The following NTRK2 variants were observed in gnomAD, a reference collection of about 807,000 sequenced individuals.
The protein encoded by NTRK2 is BDNF/NT-3 growth factors receptor.
In NTRK2, 13 loss-of-function variants were observed where a neutral mutation model predicts 94.5. The observed-to-expected ratio is 0.14, with a 90% CI of 0.09 to 0.22. NTRK2 has a LOEUF of 0.22. Among genes scored for constraint, NTRK2 ranks in the 10% least tolerant of loss-of-function variants. The pLI is 1.00. For missense variants in NTRK2, 639 were observed against 1,071.2 expected, an observed-to-expected ratio of 0.60 and a Z score of 5.63; for synonymous variants, 372 against 407.4, an observed-to-expected ratio of 0.91 and a Z score of 1.05.
chr9:84,730,533 G>T (rs1197778826), intron 9 of NTRK2, among the ~76,000 whole-genome samples: 1 of 140,930 alleles, frequency 7.1e-6, no homozygotes, highest in Non-Finnish European at 1.5e-5. Flanking sequence ...GAGGTCAGGA[G>T]ATCGAGACCA....
At chr9:85,015,935 C>T (rs1042694507) in intron 17 of NTRK2, among the ~76,000 whole-genome samples, 1 of 152,074 alleles carries the variant, frequency 6.6e-6, no homozygotes, top group Admixed American at 6.5e-5. Context: ...ACAGGATGTC[C>T]AATGGGGAAA....
intron 6 of NTRK2, among the ~76,000 whole-genome samples, chr9:84,715,826 A>C (rs1305339013): frequency 6.6e-6 from 1 of 152,176 alleles, no homozygotes; most frequent in South Asian, 2.1e-4. Flanking sequence ...GATTTTCAGC[A>C]GTTAGTCTTG....
intron 15 of NTRK2, among the ~76,000 whole-genome samples, chr9:84,935,024 G>C (rs1048933692): frequency 2.6e-5 from 4 of 151,898 alleles, no homozygotes; most frequent in Non-Finnish European, 5.9e-5. Context: ...AGCACAAAAG[G>C]CTTCAGGTAT....
chr9:84,836,973 A>AATATAAT (rs1490226813), intron 12 of NTRK2, among the ~76,000 whole-genome samples: 1 of 145,796 alleles, frequency 6.9e-6, no homozygotes, highest in Non-Finnish European at 1.5e-5. Context: ...AATATAATAT[A>AATATAAT]ATATAATATA....
chr9:84,989,855 G>A (rs1405222554), intron 17 of NTRK2, among the ~76,000 whole-genome samples: 1 of 152,128 alleles, frequency 6.6e-6, no homozygotes, highest in Admixed American at 6.6e-5. Flanking sequence ...GTCTTTGAAG[G>A]CAAATTTATT....
At chr9:84,690,676 G>T (rs1401258905) in intron 2 of NTRK2, among the ~76,000 whole-genome samples, 1 of 151,144 alleles carries the variant, frequency 6.6e-6, no homozygotes, top group Non-Finnish European at 1.5e-5. Context: ...CCAAGATCAC[G>T]CCACTGCACT....
intron 15 of NTRK2, among the ~76,000 whole-genome samples, chr9:84,938,001 G>A (rs2078269770): frequency 6.6e-6 from 1 of 152,124 alleles, no homozygotes; most frequent in Non-Finnish European, 1.5e-5. Flanking sequence ...ATGCTGAATA[G>A]GAGAGAGACC....
intron 17 of NTRK2, among the ~76,000 whole-genome samples, chr9:85,014,668 GT>G (rs1452944522): frequency 6.6e-6 from 1 of 152,178 alleles, no homozygotes; most frequent in African/African-American, 2.4e-5. Context: ...CCAATTAGAT[GT>G]GTCCATTCTG....
At chr9:84,971,780 G>T (rs1056848034) in intron 17 of NTRK2, among the ~76,000 whole-genome samples, 5 of 152,140 alleles carry the variant, frequency 3.3e-5, no homozygotes, top group Non-Finnish European at 7.3e-5. Flanking sequence ...GGGAGATGAT[G>T]GTTTGGTGGG....
intron 6 of NTRK2, among the ~76,000 whole-genome samples, chr9:84,721,819 T>G (rs1027193725): frequency 6.6e-6 from 1 of 152,220 alleles, no homozygotes; most frequent in African/African-American, 2.4e-5. Context: ...TTTTTCGTAA[T>G]TTTTATAGAA....
chr9:84,961,542 T>G (rs1824927348), intron 17 of NTRK2, among the ~76,000 whole-genome samples: 1 of 152,236 alleles, frequency 6.6e-6, no homozygotes, highest in Admixed American at 6.5e-5. Context: ...TTAATTTGTA[T>G]TCAGCCTCCC....
intron 11 of NTRK2, among the ~76,000 whole-genome samples, chr9:84,747,497 TGA>T (rs1564180536): frequency 2.4e-5 from 3 of 127,226 alleles, no homozygotes; most frequent in Non-Finnish European, 3.2e-5. Context: ...TTTTTTTTTG[TGA>T]TGGAGTCTCA....
At chr9:84,822,317 C>T (rs2072904270) in intron 12 of NTRK2, among the ~76,000 whole-genome samples, 1 of 152,188 alleles carries the variant, frequency 6.6e-6, no homozygotes, top group Non-Finnish European at 1.5e-5. Flanking sequence ...CTCAATTCCT[C>T]AAAGCCCACT....
chr9:84,873,450 T>C, intron 14 of NTRK2: 8 of 1,059,368 alleles, frequency 7.6e-6, no homozygotes, highest in Non-Finnish European at 9.1e-6. Flanking sequence ...TCATGGCACA[T>C]TGCTGCTGTT....
intron 8 of NTRK2, among the ~76,000 whole-genome samples, 180 bp downstream of exon 8, chr9:84,724,536 C>T (rs981490988): frequency 6.6e-6 from 1 of 152,174 alleles, no homozygotes; most frequent in Admixed American, 6.5e-5. Flanking sequence ...TGCTTAATAA[C>T]TCTTGCTCAT....
intron 14 of NTRK2, among the ~76,000 whole-genome samples, chr9:84,919,291 G>C (rs1240112604): frequency 2.0e-5 from 3 of 152,142 alleles, no homozygotes; most frequent in African/African-American, 4.8e-5. Flanking sequence ...TATCACTCTA[G>C]TAGGCAAATG....
In NTRK2 at chr9:84,884,599, G is replaced by GTCTC. The variant is rs568583005; in HGVS notation, c.1633+17169_1633+17172dup. On this transcript the variant is annotated intron_variant, in intron 14 of 18. Coordinates refer to ENST00000277120, the MANE Select transcript of NTRK2 (RefSeq NM_006180.6). Reference sequence around the variant, plus strand: ...TGCATTTTGTCTAGACGAAGGCTGTGTCTCCACTGGCATAATATATCACGA... The same window carrying GTCTC: ...TGCATTTTGTCTAGACGAAGGCTGTGTCTCTCTCCACTGGCATAATATATCACGA... Among the ~76,000 whole-genome samples the GTCTC allele has an allele frequency of 6.7e-4, 102 of 152,316 alleles. 1 individual carries two copies. The highest frequency in any genetic ancestry group is 1.2e-3 in the Non-Finnish European group (83 of 68,032).
intron 14 of NTRK2, chr9:84,872,343 C>T: frequency 1.8e-6 from 2 of 1,103,750 alleles, no homozygotes; most frequent in South Asian, 7.8e-5. Flanking sequence ...ATCCCCAAAT[C>T]ATCAATCTTG....
At chr9:84,912,634 T>A (rs1158464413) in intron 14 of NTRK2, among the ~76,000 whole-genome samples, 3 of 126,158 alleles carry the variant, frequency 2.4e-5, no homozygotes, top group Non-Finnish European at 3.3e-5. Context: ...TTTTTTTTTT[T>A]ATGAGATGGA....
Sources: allele counts gnomAD v4.1 joint callset (sites outside exome capture counted in the v4.1 genomes callset), GRCh38; gene constraint gnomAD v4.1.1; transcripts MANE v1.5; gene names NCBI Gene and HGNC (gene_info 2026-07-23, HGNC 2026-07-21).